The following LIN7A variants were observed in gnomAD, a reference collection of about 807,000 sequenced individuals.
LIN7A encodes lin-7 cell polarity scaffold A.
LIN7A carries 25 observed loss-of-function variants against 29.8 expected under a neutral mutation model. That is an observed-to-expected ratio of 0.84 (90% CI 0.61 to 1.17). LIN7A has a LOEUF of 1.17. Among genes scored for constraint, LIN7A ranks in the 50% most tolerant of loss-of-function variants. The probability of loss-of-function intolerance (pLI) is 0.00; values close to 1 mark genes in which losing one functional copy is unlikely to be tolerated. For missense variants in LIN7A, 239 were observed against 287.0 expected (o/e 0.83, Z 1.21); for synonymous variants, 118 against 107.5 (o/e 1.10, Z -0.60).
At chr12:80,884,120 A>G (rs1424911788) in intron 2 of LIN7A, among the ~76,000 whole-genome samples, 3 of 152,224 alleles carry the variant, frequency 2.0e-5, no homozygotes, top group Non-Finnish European at 4.4e-5. Context: ...CAAAATTTTA[A>G]AAATTGTGAA....
intron 1 of LIN7A, 70 bp downstream of exon 1, chr12:80,937,571 G>GA: frequency 8.5e-7 from 1 of 1,178,534 alleles, no homozygotes; most frequent in South Asian, 1.8e-5. Context: ...GTCCCGTTGG[G>GA]AATTGGCAGG....
intron 1 of LIN7A, among the ~76,000 whole-genome samples, chr12:80,897,658 T>C (rs1319562007): frequency 6.6e-6 from 1 of 151,828 alleles, no homozygotes; most frequent in Admixed American, 6.6e-5. Context: ...ATAGAAAAAT[T>C]AGCCGGCGTG....
At chr12:80,929,328 T>C (rs1877765078) in intron 1 of LIN7A, among the ~76,000 whole-genome samples, 1 of 152,208 alleles carries the variant, frequency 6.6e-6, no homozygotes, top group African/African-American at 2.4e-5. Flanking sequence ...TCTTTTATTG[T>C]AACCTGCCAT....
At position 80,797,077 on chromosome 12, in the gene LIN7A, T is replaced by C. The variant is rs1287670274; in HGVS notation, c.*650A>G. 2 of 152,096 alleles carry C rather than the reference T, an allele frequency of 1.3e-5. No individual in the cohort carries two copies. The highest frequency in any genetic ancestry group is 2.9e-5 in the Non-Finnish European group (2 of 68,018). 9.4% of individuals were successfully genotyped at this position (152,096 alleles called of 1,614,324 possible). The stretch of plus-strand genomic sequence containing the variant: ...GTTCCTACACTTGCTTCTAACAAAC[T>C]AAAAGTTGAGCTAAAATTGGTCCAT... On this transcript the variant is annotated 3_prime_UTR_variant, in exon 6 of 6. Coordinates refer to ENST00000552864, the MANE Select transcript of LIN7A (RefSeq NM_004664.4).
intron 2 of LIN7A, among the ~76,000 whole-genome samples, chr12:80,881,651 A>C (rs182024230): frequency 1.2e-3 from 182 of 152,260 alleles, no homozygotes; most frequent in African/African-American, 3.9e-3. Context: ...ATATATGTAC[A>C]CACACATATA....
chr12:80,897,190 T>C (rs1436784238), intron 1 of LIN7A, among the ~76,000 whole-genome samples: 1 of 152,150 alleles, frequency 6.6e-6, no homozygotes, highest in Non-Finnish European at 1.5e-5. Context: ...TTCCTTTCTG[T>C]TTCAGCTTTC....
At chr12:80,864,982 A>G (rs1874064988) in intron 2 of LIN7A, among the ~76,000 whole-genome samples, 1 of 152,190 alleles carries the variant, frequency 6.6e-6, no homozygotes, top group African/African-American at 2.4e-5. Context: ...CAATCTGGTA[A>G]ATGCTATCAA....
chr12:80,930,465 C>G (rs1429824968), intron 1 of LIN7A, among the ~76,000 whole-genome samples: 1 of 151,972 alleles, frequency 6.6e-6, no homozygotes, highest in African/African-American at 2.4e-5. Flanking sequence ...AAGTTAAATC[C>G]ATTTTAATTT....
chr12:80,868,672 T>C (rs1326116732), intron 2 of LIN7A, among the ~76,000 whole-genome samples: 1 of 152,228 alleles, frequency 6.6e-6, no homozygotes, highest in African/African-American at 2.4e-5. Flanking sequence ...TGTCTTTTGA[T>C]GTAATTCAGG....
intron 2 of LIN7A, among the ~76,000 whole-genome samples, chr12:80,852,380 GGATGACAAGCCTTTATT>G (rs1873377876): frequency 1.3e-5 from 2 of 152,044 alleles, no homozygotes; most frequent in African/African-American, 4.8e-5. Flanking sequence ...GCTAGGTAAG[GGATGACAAGCCTTTATT>G]GTGAGTTTCT....
chr12:80,829,814 T>A (rs142233446), intron 4 of LIN7A, among the ~76,000 whole-genome samples: 1 of 152,322 alleles, frequency 6.6e-6, no homozygotes, highest in African/African-American at 2.4e-5. Context: ...TAGATCATAA[T>A]GAGATAGATA....
chr12:80,937,771 T>C lies in LIN7A; in HGVS notation c.-49A>G. ...AAAAGGAGGAGATTGGGGGCGGGGG[T>C]GGAGAGGGAAGACGGAAAGGAGGGG... is the stretch of plus-strand genomic sequence containing the variant. On this transcript the variant is annotated 5_prime_UTR_variant, in exon 1 of 6. Coordinates refer to ENST00000552864, the MANE Select transcript of LIN7A (RefSeq NM_004664.4). 4.1e-6 allele frequency: 1 copy of C among 241,910 alleles called. No individual in the cohort carries two copies. The allele number at this position is 241,910 out of a possible 1,614,324, so 15.0% of individuals were successfully genotyped here. A position where few individuals can be genotyped will look rare whatever the true frequency, so the allele number is the denominator to read the frequency against.
chr12:80,836,964 G>A (rs1872612928), intron 4 of LIN7A, among the ~76,000 whole-genome samples: 1 of 151,508 alleles, frequency 6.6e-6, no homozygotes, highest in African/African-American at 2.4e-5. Context: ...TCAAAGACCA[G>A]GCAAGATGGG....
chr12:80,887,687 A>G (rs1247587890), intron 2 of LIN7A, among the ~76,000 whole-genome samples: 1 of 151,932 alleles, frequency 6.6e-6, no homozygotes, highest in Non-Finnish European at 1.5e-5. Flanking sequence ...CAGTCTTGTC[A>G]CTCTGATATT....
Position 80,937,830 on chromosome 12 carries a change from G to T in LIN7A, c.-108C>A. On this transcript the variant is annotated 5_prime_UTR_variant, in exon 1 of 6. Transcript: ENST00000552864. ...GGAAGGAAGGAAGGTGGTGGTGGTG[G>T]AGAAGAAAGCTTGGGTGGGTTGGTA... The T allele has an allele frequency of 1.2e-6, 1 of 834,936 alleles. No homozygotes were observed. Among genetic ancestry groups the T allele is most frequent in the South Asian group, 2.3e-5 (1 of 43,216 alleles). The allele number at this position is 834,936 out of a possible 1,614,324, so 51.7% of individuals were successfully genotyped here.
chr12:80,932,167 GA>G (rs924748165), intron 1 of LIN7A, among the ~76,000 whole-genome samples: 3 of 152,160 alleles, frequency 2.0e-5, no homozygotes, highest in Admixed American at 6.5e-5. Context: ...TGCCTGCCTT[GA>G]AAAGTGAAAA....
chr12:80,907,065 G>C (rs941850646), intron 1 of LIN7A, among the ~76,000 whole-genome samples: 11 of 145,932 alleles, frequency 7.5e-5, no homozygotes, highest in African/African-American at 2.7e-4. Context: ...CTGTGTGTGT[G>C]TGTGTGTGTG....
chr12:80,865,489 A>G (rs1213168529), intron 2 of LIN7A, among the ~76,000 whole-genome samples: 1 of 152,198 alleles, frequency 6.6e-6, no homozygotes, highest in African/African-American at 2.4e-5. Flanking sequence ...GATGAGATTA[A>G]CAATAGCTGT....
chr12:80,899,759 T>G (rs1876097196), intron 1 of LIN7A, among the ~76,000 whole-genome samples: 1 of 91,322 alleles, frequency 1.1e-5, no homozygotes, highest in South Asian at 3.3e-4. Flanking sequence ...TAGGTTTTCT[T>G]TTTTTCTTTT....
Sources: gnomAD v4.1 joint callset for allele counts (sites outside exome capture counted in the v4.1 genomes callset) on GRCh38, gnomAD v4.1.1 for gene constraint, MANE v1.5 for transcripts, NCBI Gene and HGNC (gene_info 2026-07-23, HGNC 2026-07-21) for gene names.